Variants in MXI1 observed in about 807,000 individuals in gnomAD.
MXI1 encodes the protein MAX interactor 1, dimerization protein.
MXI1 carries 18 observed loss-of-function variants against 36.9 expected under a neutral mutation model. The ratio of observed to expected loss-of-function variants is 0.49; its 90% CI spans 0.34 to 0.72. MXI1 has a LOEUF of 0.72. MXI1 is among the 30% of genes least tolerant of loss of function. The pLI is 0.01. For missense variants in MXI1, 304 were observed against 379.1 expected (o/e 0.80, Z 1.64); for synonymous variants, 160 against 146.7 (o/e 1.09, Z -0.65).
At chr10:110,259,127 G>A (rs893630663) in intron 3 of MXI1, among the ~76,000 whole-genome samples, 2 of 152,044 alleles carry the variant, frequency 1.3e-5, no homozygotes, top group African/African-American at 4.8e-5. Context: ...AATTGACATG[G>A]TATATTATAG....
chr10:110,237,111 A>G (rs1448304735), intron 2 of MXI1, among the ~76,000 whole-genome samples: 1 of 152,096 alleles, frequency 6.6e-6, no homozygotes, highest in Non-Finnish European at 1.5e-5. Context: ...TAGTCTGTAT[A>G]TTCCTTAGGA....
intron 1 of MXI1, chr10:110,210,126 C>T: frequency 2.5e-6 from 1 of 401,294 alleles, no homozygotes; most frequent in Non-Finnish European, 3.4e-6. Context: ...GTCACGTAAG[C>T]AGAGAGCCGG....
At chr10:110,268,449 CAACCCAGATATAACTTG>C in intron 3 of MXI1, among the ~76,000 whole-genome samples, 1 of 152,244 alleles carries the variant, frequency 6.6e-6, no homozygotes, top group Non-Finnish European at 1.5e-5. Flanking sequence ...TGTAATGTTG[CAACCCAGATATAACTTG>C]AACCCAGTCT....
At chr10:110,262,786 C>T (rs1856561700) in intron 3 of MXI1, among the ~76,000 whole-genome samples, 1 of 152,024 alleles carries the variant, frequency 6.6e-6, no homozygotes, top group Admixed American at 6.6e-5. Context: ...ATGACAAAGT[C>T]AGGATGAGAA....
intron 2 of MXI1, among the ~76,000 whole-genome samples, chr10:110,243,381 A>G (rs990659477): frequency 3.9e-5 from 6 of 152,070 alleles, no homozygotes; most frequent in African/African-American, 1.4e-4. Context: ...CATGAAGCAA[A>G]AGGTGGATAG....
intron 4 of MXI1, 126 bp from the exon 5 acceptor site, chr10:110,279,788 T>C (rs1857169391): frequency 1.7e-6 from 1 of 582,884 alleles, no homozygotes; most frequent in East Asian, 3.2e-5. Context: ...CTTTAAAATG[T>C]ATTTATATAT....
At chr10:110,263,555 A>G (rs550949446) in intron 3 of MXI1, among the ~76,000 whole-genome samples, 1 of 152,330 alleles carries the variant, frequency 6.6e-6, no homozygotes, top group East Asian at 1.9e-4. Flanking sequence ...TACTATAATT[A>G]GCATAGAAGC....
chr10:110,251,397 T>C (rs1053507454), intron 3 of MXI1, among the ~76,000 whole-genome samples: 4 of 152,164 alleles, frequency 2.6e-5, no homozygotes, highest in Admixed American at 6.6e-5. Context: ...AGATACCCTA[T>C]TCTATTCTAG....
At chr10:110,270,818 G>A (rs551206978) in intron 3 of MXI1, among the ~76,000 whole-genome samples, 14 of 152,086 alleles carry the variant, frequency 9.2e-5, no homozygotes, top group Non-Finnish European at 1.8e-4. Flanking sequence ...GGCCGGTTGC[G>A]GTGGCTCATG....
rs149484674 is a variant in MXI1 at position 110,267,943 on chromosome 10, A to T, written c.438-11237A>T. ...TATGCCTTTTGTTCTGTGAGATAAC[A>T]GTTGTTGGTGATCCTGAAAGATGTT... is the stretch of plus-strand genomic sequence containing the variant. On this transcript the variant is annotated intron_variant, in intron 3 of 5. Coordinates refer to ENST00000332674, the MANE Select transcript of MXI1 (RefSeq NM_130439.3). Among the ~76,000 whole-genome samples the T allele has an allele frequency of 9.1e-4, 138 of 152,294 alleles. 2 individuals carry two copies. Among genetic ancestry groups the T allele is most frequent in the African/African-American group, 3.0e-3 (126 of 41,568 alleles).
chr10:110,272,017 A>T (rs1374104939), intron 3 of MXI1, among the ~76,000 whole-genome samples: 1 of 152,146 alleles, frequency 6.6e-6, no homozygotes, highest in Non-Finnish European at 1.5e-5. Context: ...TTTGAGAGAC[A>T]TAATCCCAGC....
chr10:110,268,635 T>A (rs1175455283), intron 3 of MXI1, among the ~76,000 whole-genome samples: 1 of 152,134 alleles, frequency 6.6e-6, no homozygotes, highest in Non-Finnish European at 1.5e-5. Context: ...TATATAACAC[T>A]GAGAAAATTT....
chr10:110,215,706 A>G (rs1476806971), intron 1 of MXI1, among the ~76,000 whole-genome samples: 3 of 152,244 alleles, frequency 2.0e-5, no homozygotes, highest in East Asian at 1.9e-4. Context: ...TCAATTTGCC[A>G]TACTTAGAAA....
chr10:110,271,213 CAG>C, intron 3 of MXI1, among the ~76,000 whole-genome samples: 1 of 151,302 alleles, frequency 6.6e-6, no homozygotes, highest in Admixed American at 6.6e-5. Context: ...TCAGCTGCAC[CAG>C]AAAAAAAAAA....
chr10:110,268,410 A>G (rs909289298), intron 3 of MXI1, among the ~76,000 whole-genome samples: 2 of 152,210 alleles, frequency 1.3e-5, no homozygotes, highest in African/African-American at 4.8e-5. Context: ...TAAGATTTAG[A>G]CAAATATAAA....
chr10:110,234,755 G>C (rs1204983615), intron 2 of MXI1, among the ~76,000 whole-genome samples: 1 of 152,122 alleles, frequency 6.6e-6, no homozygotes, highest in Non-Finnish European at 1.5e-5. Context: ...TAGATAATTA[G>C]TTGTTTACCT....
At chr10:110,238,523 C>T (rs1481317956) in intron 2 of MXI1, among the ~76,000 whole-genome samples, 1 of 152,056 alleles carries the variant, frequency 6.6e-6, no homozygotes, top group Admixed American at 6.5e-5. Flanking sequence ...TGTTTGTTTT[C>T]TATGTAATTT....
In MXI1 at chr10:110,286,041, CCTCA is replaced by C. The variant is rs1316654127; in HGVS notation, c.*1058_*1061del. ...TTTGATAATGATAAAACACCTCACA[CCTCA>C]CTCTTTATAGTGCACAAAATGAATG... On this transcript the variant is annotated 3_prime_UTR_variant, in exon 6 of 6. Transcript: ENST00000332674. 1 of 152,592 alleles carries C rather than the reference CCTCA, an allele frequency of 6.6e-6. No individual in the cohort carries two copies. Among genetic ancestry groups the C allele is most frequent in the Non-Finnish European group, 1.5e-5 (1 of 68,038 alleles). The allele number at this position is 152,592 out of a possible 1,614,324, so 9.5% of individuals were successfully genotyped here. A position where few individuals can be genotyped will look rare whatever the true frequency, so the allele number is the denominator to read the frequency against.
intron 2 of MXI1, among the ~76,000 whole-genome samples, chr10:110,236,572 G>T (rs937356540): frequency 2.6e-5 from 4 of 151,938 alleles, no homozygotes; most frequent in Admixed American, 2.6e-4. Flanking sequence ...TTCTCCCATC[G>T]CAGCCTCCTG....
Sources: allele counts gnomAD v4.1 joint callset (sites outside exome capture counted in the v4.1 genomes callset), GRCh38; gene constraint gnomAD v4.1.1; transcripts MANE v1.5; gene names NCBI Gene and HGNC (gene_info 2026-07-23, HGNC 2026-07-21).